IL6: variants seen among roughly 807,000 people sequenced by gnomAD.
IL6 encodes the protein interleukin 6.
IL6 carries 5 observed loss-of-function variants against 18.0 expected under a neutral mutation model. The ratio of observed to expected loss-of-function variants is 0.28; its 90% CI spans 0.15 to 0.58. The LOEUF (loss-of-function observed/expected upper bound fraction) is 0.58. IL6 is among the 20% of genes least tolerant of loss of function. IL6 has a pLI of 0.90. For synonymous variants in IL6, 97 were observed against 95.1 expected (o/e 1.02, Z -0.12); for missense variants, 266 against 251.0 (o/e 1.06, Z -0.40).
At chr7:22,727,322 G>A (rs780848732) in intron 1 of IL6, 41 bp downstream of exon 1, 5 of 1,613,952 alleles carry the variant, frequency 3.1e-6, no homozygotes, top group Non-Finnish European at 3.4e-6. Context: ...TGCCAGCGGC[G>A]GTCGAGCCCT....
In IL6 at chr7:22,727,958, T is replaced by G. The variant is rs1784047321; in HGVS notation, c.210+324T>G. Among the ~76,000 whole-genome samples the G allele has an allele frequency of 2.0e-5, 3 of 152,180 alleles. No homozygotes were observed. The South Asian group carries it at 6.2e-4, about 31-fold the overall frequency. On this transcript the variant is annotated intron_variant, in intron 2 of 4. Transcript: ENST00000258743. ...GAAGCTCCTTTTTGTCCCCCGGGCT[T>G]TGGAAGGACTAGAAAAGTGCCACCT...
In IL6 at chr7:22,731,453, C is replaced by A. The variant is rs764435229; in HGVS notation, c.519C>A (p.Ala173=). Residue 173 remains alanine, a synonymous_variant, in exon 5 of 5, where the codon GCC becomes GCA. Transcript: ENST00000258743. ...AITTPDPTTN[A]SLLTKLQAQN... is the part of the protein sequence containing the mutation. ...CCACCCCTGACCCAACCACAAATGCCAGCCTGCTGACGAAGCTGCAGGCAC... is the reference window on the plus strand; with the variant it reads ...CCACCCCTGACCCAACCACAAATGCAAGCCTGCTGACGAAGCTGCAGGCAC... 17 of 1,606,574 alleles carry A rather than the reference C, an allele frequency of 1.1e-5. 1 individual carries two copies. The South Asian group carries it at 1.8e-4, about 17-fold the overall frequency.
Position 22,727,226 on chromosome 7 carries a change from G to A in IL6, c.-37G>A, listed in dbSNP as rs746737342. On this transcript the variant is annotated 5_prime_UTR_variant, in exon 1 of 5. Coordinates refer to ENST00000258743, the MANE Select transcript of IL6 (RefSeq NM_000600.5). ...TTCTGCCCTCGAGCCCACCGGGAAC[G>A]AAAGAGAAGCTCTATCTCCCCTCCA... 1.9e-6 allele frequency: 3 copies of A among 1,612,608 alleles called. No homozygotes were observed. The highest frequency in any genetic ancestry group is 2.5e-6 in the Non-Finnish European group (3 of 1,179,806).
Position 22,728,719 on chromosome 7 carries a change from A to G in IL6, c.237A>G (p.Glu79=), listed in dbSNP as rs200987147. 5.6e-6 allele frequency: 9 copies of G among 1,611,044 alleles called. No individual in the cohort carries two copies. Among genetic ancestry groups the G allele is most frequent in the Non-Finnish European group, 7.6e-6 (9 of 1,177,146 alleles). ...CATGTAACAAGAGTAACATGTGTGAAAGCAGCAAAGAGGCACTGGCAGAAA... is the reference window on the plus strand; with the variant it reads ...CATGTAACAAGAGTAACATGTGTGAGAGCAGCAAAGAGGCACTGGCAGAAA... The part of the protein sequence containing the change: ...KETCNKSNMC[E]SSKEALAENN... Residue 79 remains glutamate, a synonymous_variant, in exon 3 of 5, where the codon GAA becomes GAG. Transcript: ENST00000258743.
In IL6 at chr7:22,727,435, C is replaced by T. The variant is rs770150376; in HGVS notation, c.20-9C>T. On this transcript the variant is annotated splice_polypyrimidine_tract_variant and intron_variant, in intron 1 of 4. Coordinates refer to ENST00000258743, the MANE Select transcript of IL6 (RefSeq NM_000600.5). ...AGCTCACCCCTGCGCTCGCTCCCCT[C>T]CGGCACAGGCGCCTTCGGTCCAGTT... 1.2e-6 allele frequency: 2 copies of T among 1,613,818 alleles called. No homozygotes were observed. Among genetic ancestry groups the T allele is most frequent in the Admixed American group, 3.3e-5 (2 of 59,986 alleles).
Position 22,731,589 on chromosome 7 carries a change from T to G in IL6, c.*16T>G. 2.6e-6 allele frequency: 4 copies of G among 1,559,856 alleles called. No homozygotes were observed. The highest frequency in any genetic ancestry group is 3.5e-6 in the Non-Finnish European group (4 of 1,143,498). On this transcript the variant is annotated 3_prime_UTR_variant, in exon 5 of 5. Transcript: ENST00000258743. ...GCAAATGTAGCATGGGCACCTCAGA[T>G]TGTTGTTGTTAATGGGCATTCCTTC...
At chr7:22,730,210 G>A (rs911610380) in intron 4 of IL6, 1 of 985,296 alleles carries the variant, frequency 1.0e-6, no homozygotes, top group Non-Finnish European at 1.2e-6. Flanking sequence ...TTGCTGGCTA[G>A]CATGTGGAGG....
chr7:22,727,681 T>C (rs200516763), intron 2 of IL6, 47 bp downstream of exon 2: 10 of 1,519,032 alleles, frequency 6.6e-6, no homozygotes, highest in Non-Finnish European at 7.9e-6. Flanking sequence ...GCGCATGCGT[T>C]CCCCTTGCCC....
In IL6 at chr7:22,727,309, A is replaced by T. The variant is rs764590152; in HGVS notation, c.19+28A>T. 5 of 1,613,972 alleles carry T rather than the reference A, an allele frequency of 3.1e-6. No homozygotes were observed. The South Asian group carries it at 5.5e-5, about 18-fold the overall frequency. ...AAGTGCAGGAAATCCTTAGCCCTGG[A>T]ACTGCCAGCGGCGGTCGAGCCCTGT... On this transcript the variant is annotated intron_variant, in intron 1 of 4. Transcript: ENST00000258743.
chr7:22,731,679 A>G lies in IL6; in HGVS notation c.*106A>G. On this transcript the variant is annotated 3_prime_UTR_variant, in exon 5 of 5. Transcript: ENST00000258743. ...TTGTTCTCTATGGAGAACTAAAAGTATGAGCGTTAGGACACTATTTTAATT... is the reference window on the plus strand; with the variant it reads ...TTGTTCTCTATGGAGAACTAAAAGTGTGAGCGTTAGGACACTATTTTAATT... 2 of 631,916 alleles carry G rather than the reference A, an allele frequency of 3.2e-6. No individual in the cohort carries two copies. The highest frequency in any genetic ancestry group is 4.7e-6 in the Non-Finnish European group (2 of 422,246). 39.1% of individuals were successfully genotyped at this position (631,916 alleles called of 1,614,324 possible).
chr7:22,728,327 C>T (rs991268876), intron 2 of IL6, among the ~76,000 whole-genome samples: 12 of 152,198 alleles, frequency 7.9e-5, no homozygotes, highest in African/African-American at 2.9e-4. Context: ...CCTGCTGGAA[C>T]ATTCTATGGC....
At chr7:22,729,444 G>A in intron 3 of IL6, 70 bp from the exon 4 acceptor site, 1 of 1,453,002 alleles carries the variant, frequency 6.9e-7, no homozygotes, top group Non-Finnish European at 9.5e-7. Flanking sequence ...TCGAACTGTG[G>A]CAATTTTAAC....
At chr7:22,731,072 C>T (rs1471133883) in intron 4 of IL6, among the ~76,000 whole-genome samples, 1 of 151,896 alleles carries the variant, frequency 6.6e-6, no homozygotes, top group South Asian at 2.1e-4. Flanking sequence ...CCCATCTCTA[C>T]TTAAAAATAC....
chr7:22,729,899 G>C, intron 4 of IL6: 1 of 1,372,998 alleles, frequency 7.3e-7, no homozygotes, highest in Non-Finnish European at 9.4e-7. Flanking sequence ...AACTGAGGTG[G>C]ATTTTAACAT....
intron 3 of IL6, among the ~76,000 whole-genome samples, 184 bp downstream of exon 3, chr7:22,728,990 G>A (rs1210171004): frequency 6.6e-6 from 1 of 152,198 alleles, no homozygotes; most frequent in Admixed American, 6.5e-5. Flanking sequence ...TCTTGGACAG[G>A]TATGGCCAGA....
chr7:22,727,730 T>C, intron 2 of IL6, 96 bp downstream of exon 2: 1 of 1,390,586 alleles, frequency 7.2e-7, no homozygotes, highest in Non-Finnish European at 9.7e-7. Context: ...AGGAGGTCTT[T>C]GCTGGGTTCT....
chr7:22,728,410 T>C (rs1784056324), intron 2 of IL6: 1 of 393,440 alleles, frequency 2.5e-6, no homozygotes, highest in Non-Finnish European at 4.7e-6. Context: ...GCACTTTAAA[T>C]AAATATTGTG....
At position 22,729,668 on chromosome 7, in the gene IL6, T is replaced by C. The variant is rs777425937; in HGVS notation, c.471+8T>C. On this transcript the variant is annotated splice_region_variant and intron_variant, in intron 4 of 4. Transcript: ENST00000258743. ...CAGTTCCTGCAGAAAAAGGTGGGTG[T>C]GTCCTCATTCCCTCAACTTGGTGTG... is the stretch of plus-strand genomic sequence containing the variant. 5.3e-5 allele frequency: 85 copies of C among 1,614,058 alleles called. No individual in the cohort carries two copies. Among genetic ancestry groups the C allele is most frequent in the Non-Finnish European group, 6.8e-5 (80 of 1,180,032 alleles).
At chr7:22,729,074 T>G (rs1302806853) in intron 3 of IL6, among the ~76,000 whole-genome samples, 1 of 152,234 alleles carries the variant, frequency 6.6e-6, no homozygotes, top group East Asian at 1.9e-4. Context: ...TAGTTCATCC[T>G]GGGAAAGGTA....
Sources: gnomAD v4.1 joint callset for allele counts (sites outside exome capture counted in the v4.1 genomes callset) on GRCh38, gnomAD v4.1.1 for gene constraint, MANE v1.5 for transcripts, NCBI Gene and HGNC (gene_info 2026-07-23, HGNC 2026-07-21) for gene names.